CD200R1: variants seen among roughly 807,000 people sequenced by gnomAD.
CD200R1 encodes CD200 receptor 1.
A neutral mutation model predicts 38.1 loss-of-function variants in CD200R1; 30 were observed. That is an observed-to-expected ratio of 0.79 (90% CI 0.59 to 1.07). The LOEUF (loss-of-function observed/expected upper bound fraction) is 1.07. Ranked by LOEUF, CD200R1 falls within the 50% of genes least tolerant of loss-of-function variation. The pLI, the probability that CD200R1 is intolerant of heterozygous loss-of-function variation, is 0.00. For synonymous variants in CD200R1, 128 were observed against 152.1 expected (o/e 0.84, Z 1.16); for missense variants, 372 against 415.4 (o/e 0.90, Z 0.91).
intron 1 of CD200R1, among the ~76,000 whole-genome samples, chr3:112,951,356 G>T (rs1461893605): frequency 6.6e-6 from 1 of 151,972 alleles, no homozygotes; most frequent in African/African-American, 2.4e-5. Context: ...AACTGAATTT[G>T]TTGATAAAAA....
intron 1 of CD200R1, among the ~76,000 whole-genome samples, chr3:112,963,730 G>A (rs1197825994): frequency 6.6e-6 from 1 of 152,170 alleles, no homozygotes; most frequent in East Asian, 1.9e-4. Context: ...CCCACTTTCT[G>A]AGGAGAAATT....
intron 1 of CD200R1, among the ~76,000 whole-genome samples, chr3:112,951,669 T>A (rs547686561): frequency 2.6e-4 from 39 of 151,672 alleles, no homozygotes; most frequent in African/African-American, 9.1e-4. Flanking sequence ...TTCCTAGAAC[T>A]AAATGAACTT....
intron 5 of CD200R1, among the ~76,000 whole-genome samples, chr3:112,928,376 T>C (rs1048232049): frequency 2.0e-5 from 3 of 152,148 alleles, no homozygotes; most frequent in Non-Finnish European, 2.9e-5. Flanking sequence ...AAATGAATCA[T>C]AGATGTTATT....
chr3:112,925,807 A>G (rs1940267832), intron 5 of CD200R1, among the ~76,000 whole-genome samples: 1 of 152,130 alleles, frequency 6.6e-6, no homozygotes, highest in Non-Finnish European at 1.5e-5. Context: ...ATCCATATCT[A>G]TCTATATAGA....
chr3:112,939,858 A>G (rs953163693), intron 2 of CD200R1, among the ~76,000 whole-genome samples: 13 of 131,850 alleles, frequency 9.9e-5, no homozygotes, highest in Non-Finnish European at 1.7e-4. Context: ...CTGAGCAAAA[A>G]ACAAACAAAC....
At position 112,923,447 on chromosome 3, in the gene CD200R1, T is replaced by C. The variant is rs1485753117; in HGVS notation, c.*230A>G. ...CAATTTGAATATTTGGTCATGGGCA[T>C]GTATTTTCTTTGTAATAACATCAGT... On this transcript the variant is annotated 3_prime_UTR_variant, in exon 8 of 8. Transcript: ENST00000308611. 3.2e-6 allele frequency: 1 copy of C among 316,484 alleles called. No individual in the cohort carries two copies. Among genetic ancestry groups the C allele is most frequent in the Non-Finnish European group, 5.7e-6 (1 of 174,136 alleles). The allele number at this position is 316,484 out of a possible 1,614,324, so 19.6% of individuals were successfully genotyped here. A position where few individuals can be genotyped will look rare whatever the true frequency, so the allele number is the denominator to read the frequency against.
intron 1 of CD200R1, among the ~76,000 whole-genome samples, chr3:112,965,135 C>T (rs1933123646): frequency 6.6e-6 from 1 of 152,002 alleles, no homozygotes; most frequent in South Asian, 2.1e-4. Flanking sequence ...GACTATTATA[C>T]CAAGTAAAGA....
At chr3:112,970,691 G>A (rs566454913) in intron 1 of CD200R1, among the ~76,000 whole-genome samples, 1 of 152,150 alleles carries the variant, frequency 6.6e-6, no homozygotes, top group African/African-American at 2.4e-5. Context: ...TTAACTAAAT[G>A]CCATTAACTG....
chr3:112,929,749 AT>A (rs987983329), intron 3 of CD200R1, among the ~76,000 whole-genome samples: 5 of 152,086 alleles, frequency 3.3e-5, no homozygotes, highest in East Asian at 1.9e-4. Flanking sequence ...ATAATAAAGT[AT>A]TTTTTATATT....
chr3:112,945,801 G>A (rs1380598435), intron 2 of CD200R1, among the ~76,000 whole-genome samples: 11 of 152,130 alleles, frequency 7.2e-5, no homozygotes, highest in Middle Eastern at 3.4e-3. Flanking sequence ...AGGCCGAGGC[G>A]GGCGGATCAC....
At chr3:112,945,129 C>T (rs1459029506) in intron 2 of CD200R1, among the ~76,000 whole-genome samples, 2 of 152,238 alleles carry the variant, frequency 1.3e-5, no homozygotes, top group East Asian at 3.9e-4. Context: ...ATGAATATTA[C>T]CAAAGTCCCA....
At position 112,974,782 on chromosome 3, in the gene CD200R1, C is replaced by G. The variant is rs558150267; in HGVS notation, c.67+9G>C. Reference sequence around the variant, plus strand: ...TCTCACTGTTCTCCCAAAGAGAATTCAAACTTACCGGCCACTAAGAAGATA... The same window carrying G: ...TCTCACTGTTCTCCCAAAGAGAATTGAAACTTACCGGCCACTAAGAAGATA... On this transcript the variant is annotated intron_variant, in intron 1 of 7. Transcript: ENST00000308611. 7.5e-6 allele frequency: 12 copies of G among 1,595,014 alleles called. No individual in the cohort carries two copies. Among genetic ancestry groups the G allele is most frequent in the African/African-American group, 4.0e-5 (3 of 74,632 alleles).
intron 1 of CD200R1, among the ~76,000 whole-genome samples, chr3:112,970,765 A>G (rs996139870): frequency 5.9e-5 from 9 of 152,112 alleles, no homozygotes; most frequent in Non-Finnish European, 1.0e-4. Flanking sequence ...TGTTCCCATT[A>G]CCTTATTGCC....
intron 2 of CD200R1, among the ~76,000 whole-genome samples, chr3:112,943,210 A>C (rs1303968558): frequency 6.6e-6 from 1 of 151,780 alleles, no homozygotes; most frequent in Non-Finnish European, 1.5e-5. Flanking sequence ...ACTTGTACCA[A>C]AATAGACCAC....
chr3:112,971,654 AT>A (rs1933312418), intron 1 of CD200R1, among the ~76,000 whole-genome samples: 1 of 152,072 alleles, frequency 6.6e-6, no homozygotes, highest in South Asian at 2.1e-4. Context: ...TTAATTATAA[AT>A]TTTCCTGTTC....
chr3:112,948,053 A>G, intron 1 of CD200R1, 129 bp from the exon 2 acceptor site: 1 of 675,604 alleles, frequency 1.5e-6, no homozygotes, highest in Non-Finnish European at 2.7e-6. Flanking sequence ...TGAATATCTA[A>G]ATTATGACAG....
intron 2 of CD200R1, among the ~76,000 whole-genome samples, chr3:112,934,923 A>C (rs1940541665): frequency 1.3e-5 from 2 of 152,156 alleles, no homozygotes. Flanking sequence ...ACATGCAAAC[A>C]GAATCCAAAT....
intron 2 of CD200R1, among the ~76,000 whole-genome samples, chr3:112,935,906 GC>G (rs1352634104): frequency 2.0e-5 from 3 of 152,084 alleles, no homozygotes; most frequent in Admixed American, 6.6e-5. Context: ...GAGGTATTAA[GC>G]CCAGCATCCA....
chr3:112,960,833 A>T (rs149028691), intron 1 of CD200R1, among the ~76,000 whole-genome samples: 9 of 151,110 alleles, frequency 6.0e-5, no homozygotes, highest in African/African-American at 2.2e-4. Context: ...ATGTAAATCA[A>T]ATGCAATATA....
Sources: allele counts gnomAD v4.1 joint callset (sites outside exome capture counted in the v4.1 genomes callset), GRCh38; gene constraint gnomAD v4.1.1; transcripts MANE v1.5; gene names NCBI Gene and HGNC (gene_info 2026-07-23, HGNC 2026-07-21).